PCDHA1: variants seen among roughly 807,000 people sequenced by gnomAD.
PCDHA1 encodes the protein protocadherin alpha 1, also known as protocadherin alpha-1.
A neutral mutation model predicts 61.3 loss-of-function variants in PCDHA1; 42 were observed. That is an observed-to-expected ratio of 0.69 (90% CI 0.54 to 0.89). The LOEUF is 0.89. Ranked by LOEUF, PCDHA1 falls within the 40% of genes least tolerant of loss-of-function variation. PCDHA1 has a pLI of 0.00. For synonymous variants in PCDHA1, 610 were observed against 553.8 expected (o/e 1.10, Z -1.43); for missense variants, 1,256 against 1,235.3 (o/e 1.02, Z -0.25).
At chr5:140,959,203 G>A (rs1554223942) in intron 1 of PCDHA1, among the ~76,000 whole-genome samples, 1 of 152,128 alleles carries the variant, frequency 6.6e-6, no homozygotes. Context: ...ATGGTGAAAT[G>A]CTGTCCTTAC....
intron 1 of PCDHA1, chr5:140,802,683 G>A: frequency 6.2e-7 from 1 of 1,613,150 alleles, no homozygotes; most frequent in East Asian, 2.2e-5. Context: ...CTCGCTGGTG[G>A]AACGGCGGGT....
intron 1 of PCDHA1, chr5:140,843,825 C>T: frequency 8.4e-7 from 1 of 1,188,044 alleles, no homozygotes; most frequent in Non-Finnish European, 1.2e-6. Flanking sequence ...AAAATTTAAA[C>T]ATTGTTTAGT....
chr5:140,979,146 TC>T (rs2096836943), intron 2 of PCDHA1, 139 bp downstream of exon 2: 2 of 1,444,078 alleles, frequency 1.4e-6, no homozygotes, highest in African/African-American at 2.9e-5. Context: ...AATTATTTTG[TC>T]CCCATGTTTA....
chr5:140,816,086 G>T (rs1372705101), intron 1 of PCDHA1: 1 of 152,126 alleles, frequency 6.6e-6, no homozygotes, highest in African/African-American at 2.4e-5. Context: ...TAAAAAATAA[G>T]CTGTCTGTCC....
At position 140,875,993 on chromosome 5, in the gene PCDHA1, T is replaced by G. The variant is rs574636926; in HGVS notation, c.2394+87309T>G. On this transcript the variant is annotated intron_variant, in intron 1 of 3. Coordinates refer to ENST00000504120, the MANE Select transcript of PCDHA1 (RefSeq NM_018900.4). The stretch of plus-strand genomic sequence containing the variant: ...TCTCTTTTGACCTATGCGTTAAGTC[T>G]AAATGAGAATTTTGAGCTTAAAATA... The G allele has an allele frequency of 3.5e-4, 564 of 1,613,988 alleles. 6 individuals are homozygous for G. In the South Asian group the frequency reaches 5.9e-3, roughly 17 times the overall value.
intron 1 of PCDHA1, chr5:140,861,426 T>A (rs1451953787): frequency 2.1e-6 from 1 of 485,412 alleles, no homozygotes; most frequent in Non-Finnish European, 4.2e-6. Context: ...CCTGTTTCAG[T>A]TGGATTCCAA....
At chr5:140,883,018 G>T (rs1400637236) in intron 1 of PCDHA1, 2 of 1,613,968 alleles carry the variant, frequency 1.2e-6, no homozygotes, top group East Asian at 2.2e-5. Flanking sequence ...ATAAAGTGAC[G>T]GTGTTAGAGA....
intron 1 of PCDHA1, among the ~76,000 whole-genome samples, chr5:140,948,267 A>G (rs964252489): frequency 1.3e-5 from 2 of 151,646 alleles, no homozygotes. Flanking sequence ...GTGTTCATGT[A>G]GAATATCTGT....
chr5:140,976,486 G>C (rs782708902), intron 1 of PCDHA1, among the ~76,000 whole-genome samples: 1 of 152,078 alleles, frequency 6.6e-6, no homozygotes, highest in Non-Finnish European at 1.5e-5. Flanking sequence ...GGGAGGCAGA[G>C]GTTGCAGGGA....
At position 140,842,876 on chromosome 5, in the gene PCDHA1, G is replaced by C. The variant is rs78119592; in HGVS notation, c.2394+54192G>C. On this transcript the variant is annotated intron_variant, in intron 1 of 3. Coordinates refer to ENST00000504120, the MANE Select transcript of PCDHA1 (RefSeq NM_018900.4). ...GCACACGGAGAGCGGCAAGGTGTAC[G>C]CGCTGCAGCCGCTGGACCACGAGGA... The C allele has an allele frequency of 5.6e-6, 9 of 1,593,878 alleles. 1 individual carries two copies. Among genetic ancestry groups the C allele is most frequent in the Non-Finnish European group, 7.7e-6 (9 of 1,165,430 alleles).
intron 1 of PCDHA1, chr5:140,927,458 AAG>A: frequency 6.2e-7 from 1 of 1,614,124 alleles, no homozygotes; most frequent in Non-Finnish European, 8.5e-7. Context: ...GTGTTGGAGA[AAG>A]CACTGGATCG....
Position 140,929,423 on chromosome 5 carries a change from C to T in PCDHA1, c.2395-49526C>T, listed in dbSNP as rs1435902323. 4.7e-6 allele frequency: 7 copies of T among 1,499,372 alleles called. No homozygotes were observed. In the Admixed American group the frequency reaches 7.1e-5, roughly 15 times the overall value. The allele number at this position is 1,499,372 out of a possible 1,614,324, so 92.9% of individuals were successfully genotyped here. A position where few individuals can be genotyped will look rare whatever the true frequency, so the allele number is the denominator to read the frequency against. The stretch of plus-strand genomic sequence containing the variant: ...AGACAAGCCTTTCACAACATTTCAT[C>T]AATTGAACTAAACACTCCTTCTTAG... On this transcript the variant is annotated intron_variant, in intron 1 of 3. Transcript: ENST00000504120.
At chr5:140,807,588 C>G (rs146575746) in intron 1 of PCDHA1, 1 of 1,614,134 alleles carries the variant, frequency 6.2e-7, no homozygotes, top group Admixed American at 1.7e-5. Flanking sequence ...CCGGTGTTCC[C>G]AGCAACACAA....
intron 1 of PCDHA1, chr5:140,875,246 C>T: frequency 1.0e-6 from 1 of 955,372 alleles, no homozygotes; most frequent in Non-Finnish European, 1.5e-6. Context: ...CTTACATAAT[C>T]AGTCACATGA....
In PCDHA1 at chr5:140,895,583, A is replaced by C. The variant is rs545210218; in HGVS notation, c.2395-83366A>C. On this transcript the variant is annotated intron_variant, in intron 1 of 3. Coordinates refer to ENST00000504120, the MANE Select transcript of PCDHA1 (RefSeq NM_018900.4). ...ATATTCTAGATGCAATTACTTTATT[A>C]GATATATAATTTGCAAAGATTTTCT... Among the ~76,000 whole-genome samples, 15 of 152,292 alleles carry C rather than the reference A, an allele frequency of 9.8e-5. No individual in the cohort carries two copies. In the South Asian group the frequency reaches 3.1e-3, roughly 32 times the overall value.
intron 1 of PCDHA1, among the ~76,000 whole-genome samples, chr5:140,832,117 A>G (rs1431640218): frequency 6.6e-6 from 1 of 152,252 alleles, no homozygotes; most frequent in African/African-American, 2.4e-5. Flanking sequence ...AGCAATTTAA[A>G]ATGTGTGTTT....
intron 1 of PCDHA1, among the ~76,000 whole-genome samples, chr5:140,948,548 A>G (rs1300192349): frequency 6.6e-6 from 1 of 151,532 alleles, no homozygotes; most frequent in Non-Finnish European, 1.5e-5. Flanking sequence ...TGCTCTGTCA[A>G]TTTTGTTAAG....
At position 140,856,418 on chromosome 5, in the gene PCDHA1, G is replaced by A. The variant is rs782470045; in HGVS notation, c.2394+67734G>A. 17 of 1,598,338 alleles carry A rather than the reference G, an allele frequency of 1.1e-5. 1 individual carries two copies. The Admixed American group carries it at 1.2e-4, about 11-fold the overall frequency. On this transcript the variant is annotated intron_variant, in intron 1 of 3. Transcript: ENST00000504120. ...TTTCCATGTGGACGTGGAAGTGAAGGACATTAACGACAACCCGCCCAGGTT... is the reference window on the plus strand; with the variant it reads ...TTTCCATGTGGACGTGGAAGTGAAGAACATTAACGACAACCCGCCCAGGTT...
chr5:140,836,159 G>C, intron 1 of PCDHA1: 1 of 1,613,838 alleles, frequency 6.2e-7, no homozygotes, highest in Non-Finnish European at 8.5e-7. Context: ...ATGTGGTGGC[G>C]AAGGTACGTG....
Sources: allele counts gnomAD v4.1 joint callset (sites outside exome capture counted in the v4.1 genomes callset), GRCh38; gene constraint gnomAD v4.1.1; transcripts MANE v1.5; gene names NCBI Gene and HGNC (gene_info 2026-07-23, HGNC 2026-07-21).